Variants in UBE2S observed in about 807,000 individuals in gnomAD.
UBE2S encodes the protein ubiquitin-conjugating enzyme E2 S.
Under a neutral mutation model 12.3 loss-of-function variants are expected in UBE2S, and 3 were observed. The ratio of observed to expected loss-of-function variants is 0.24; its 90% CI spans 0.11 to 0.63. The LOEUF is 0.63. Ranked by LOEUF, UBE2S falls within the 30% of genes least tolerant of loss-of-function variation. The pLI, the probability that UBE2S is intolerant of heterozygous loss-of-function variation, is 0.85. For missense variants in UBE2S, 211 were observed against 313.9 expected (o/e 0.67, Z 2.48); for synonymous variants, 133 against 142.0 (o/e 0.94, Z 0.45).
intron 2 of UBE2S, among the ~76,000 whole-genome samples, chr19:55,405,755 A>T (rs2090093000): frequency 1.3e-5 from 2 of 152,080 alleles, no homozygotes; most frequent in Non-Finnish European, 2.9e-5. Flanking sequence ...CAGATCAAGG[A>T]TCCAACTGTC....
rs1006054249 is a variant in UBE2S at position 55,407,614 on chromosome 19, C to A, written c.-25G>T. 4 of 1,363,236 alleles carry A rather than the reference C, an allele frequency of 2.9e-6. No individual in the cohort carries two copies. The highest frequency in any genetic ancestry group is 3.8e-6 in the Non-Finnish European group (4 of 1,059,670). 84.4% of individuals were successfully genotyped at this position (1,363,236 alleles called of 1,614,324 possible). A position where few individuals can be genotyped will look rare whatever the true frequency, so the allele number is the denominator to read the frequency against. On this transcript the variant is annotated 5_prime_UTR_variant, in exon 1 of 4. Transcript: ENST00000264552. Reference sequence around the variant, plus strand: ...TGGCTGCGGCCGGCCGGGGGCGGGTCCCCCCGGCCCCCTTCCTGCGTTCTT... The same window carrying A: ...TGGCTGCGGCCGGCCGGGGGCGGGTACCCCCGGCCCCCTTCCTGCGTTCTT...
rs2090046830 is a variant in UBE2S, at chr19:55,400,194, A to G, written c.*1242T>C. 6.6e-6 allele frequency: 1 copy of G among 152,202 alleles called. No homozygotes were observed. Among genetic ancestry groups the G allele is most frequent in the African/African-American group, 2.4e-5 (1 of 41,550 alleles). The allele number at this position is 152,202 out of a possible 1,614,324, so 9.4% of individuals were successfully genotyped here. On this transcript the variant is annotated 3_prime_UTR_variant, in exon 4 of 4. Transcript: ENST00000264552. ...ACTTGTAGATTTTTATTGTAAATGT[A>G]TTTTACTTTTTGTAGAGATGGGATC...
chr19:55,407,618 C>T lies in UBE2S; in HGVS notation c.-29G>A, dbSNP rs2090105235. 2.9e-6 allele frequency: 4 copies of T among 1,377,074 alleles called. No individual in the cohort carries two copies. The South Asian group carries it at 6.6e-5, about 23-fold the overall frequency. The allele number at this position is 1,377,074 out of a possible 1,614,324, so 85.3% of individuals were successfully genotyped here. A position where few individuals can be genotyped will look rare whatever the true frequency, so the allele number is the denominator to read the frequency against. ...TGCGGCCGGCCGGGGGCGGGTCCCC[C>T]CGGCCCCCTTCCTGCGTTCTTCGGT... On this transcript the variant is annotated 5_prime_UTR_variant, in exon 1 of 4. Coordinates refer to ENST00000264552, the MANE Select transcript of UBE2S (RefSeq NM_014501.3).
chr19:55,407,568 C>A lies in UBE2S; in HGVS notation c.3+19G>T. On this transcript the variant is annotated intron_variant, in intron 1 of 3. Coordinates refer to ENST00000264552, the MANE Select transcript of UBE2S (RefSeq NM_014501.3). ...GGACACCCCCGACCACCTTCATGGG[C>A]CTCATCGCCCGTGCTCACCATGGCT... is the stretch of plus-strand genomic sequence containing the variant. 1.3e-6 allele frequency: 2 copies of A among 1,506,298 alleles called. No homozygotes were observed. The highest frequency in any genetic ancestry group is 1.8e-6 in the Non-Finnish European group (2 of 1,133,286). The allele number at this position is 1,506,298 out of a possible 1,614,324, so 93.3% of individuals were successfully genotyped here. A position where few individuals can be genotyped will look rare whatever the true frequency, so the allele number is the denominator to read the frequency against.
In UBE2S at chr19:55,407,771, G is replaced by A. The variant is rs1333819005; in HGVS notation, c.-182C>T. ...GCGTAGACCAACCCGCCGCCCCGGT[G>A]CCCGGCAGCACTGAGCCGGCCGCGC... On this transcript the variant is annotated 5_prime_UTR_variant, in exon 1 of 4. Transcript: ENST00000264552. The A allele has an allele frequency of 1.0e-5, 4 of 383,048 alleles. No homozygotes were observed. Among genetic ancestry groups the A allele is most frequent in the African/African-American group, 6.4e-5 (3 of 47,184 alleles). 23.7% of individuals were successfully genotyped at this position (383,048 alleles called of 1,614,324 possible).
At position 55,402,928 on chromosome 19, in the gene UBE2S, T is replaced by G. The variant is rs748675559; in HGVS notation, c.343-1166A>C. The G allele has an allele frequency of 9.0e-6, 6 of 665,280 alleles. No individual in the cohort carries two copies. The South Asian group carries it at 9.4e-5, about 10-fold the overall frequency. The allele number at this position is 665,280 out of a possible 1,614,324, so 41.2% of individuals were successfully genotyped here. Reference sequence around the variant, plus strand: ...GGGACTCATTAGAAATTTGGTTAACTTTTTTTTTTTTCAGCTTGCGGGAAG... The same window carrying G: ...GGGACTCATTAGAAATTTGGTTAACGTTTTTTTTTTTCAGCTTGCGGGAAG... On this transcript the variant is annotated intron_variant, in intron 3 of 3. Transcript: ENST00000264552.
chr19:55,404,226 T>C lies in UBE2S; in HGVS notation c.342+62A>G. ...GAAAAACTAAACAAAGCGCTATGGC[T>C]CAGACACCAGCAGACCTCCAGAGGC... is the stretch of plus-strand genomic sequence containing the variant. On this transcript the variant is annotated intron_variant, in intron 3 of 3. Coordinates refer to ENST00000264552, the MANE Select transcript of UBE2S (RefSeq NM_014501.3). The surrounding 1 kb of genome is among the most constrained non-coding windows in gnomAD (Gnocchi z 4.4). 1 of 1,599,442 alleles carries C rather than the reference T, an allele frequency of 6.3e-7. No individual in the cohort carries two copies. The highest frequency in any genetic ancestry group is 8.5e-7 in the Non-Finnish European group (1 of 1,171,152).
rs1196543723 is a variant in UBE2S, at chr19:55,404,135, C to T, written c.342+153G>A. On this transcript the variant is annotated intron_variant, in intron 3 of 3. Coordinates refer to ENST00000264552, the MANE Select transcript of UBE2S (RefSeq NM_014501.3). The surrounding 1 kb of genome is among the most constrained non-coding windows in gnomAD (Gnocchi z 4.4). Reference sequence around the variant, plus strand: ...GTGTCCTGGGTCTGGCACTGTTTGTCTTTCCAGGAAAGCTAGCAACATGGA... The same window carrying T: ...GTGTCCTGGGTCTGGCACTGTTTGTTTTTCCAGGAAAGCTAGCAACATGGA... 4.8e-6 allele frequency: 5 copies of T among 1,034,962 alleles called. No homozygotes were observed. In the African/African-American group the frequency reaches 4.8e-5, roughly 10 times the overall value. The allele number at this position is 1,034,962 out of a possible 1,614,324, so 64.1% of individuals were successfully genotyped here.
chr19:55,404,081 G>A lies in UBE2S; in HGVS notation c.342+207C>T. The stretch of plus-strand genomic sequence containing the variant: ...CTCACCACTCGTTGCATAGTAAGGT[G>A]CTCCTGGGCACTTCTCAACAGTACT... On this transcript the variant is annotated intron_variant, in intron 3 of 3. Coordinates refer to ENST00000264552, the MANE Select transcript of UBE2S (RefSeq NM_014501.3). The surrounding 1 kb of genome is among the most constrained non-coding windows in gnomAD (Gnocchi z 4.4). 8.4e-6 allele frequency: 5 copies of A among 597,736 alleles called. No individual in the cohort carries two copies. Among genetic ancestry groups the A allele is most frequent in the Non-Finnish European group, 1.5e-5 (5 of 341,102 alleles). The allele number at this position is 597,736 out of a possible 1,614,324, so 37.0% of individuals were successfully genotyped here. A position where few individuals can be genotyped will look rare whatever the true frequency, so the allele number is the denominator to read the frequency against.
Position 55,399,776 on chromosome 19 carries a change from C to G in UBE2S, c.*1660G>C, listed in dbSNP as rs13343706. 0.1 allele frequency: 15,421 copies of G among 152,150 alleles called. 1,229 individuals carry two copies. The highest frequency in any genetic ancestry group is 0.2 in the African/African-American group (8,377 of 41,468). 9.4% of individuals were successfully genotyped at this position (152,150 alleles called of 1,614,324 possible). A position where few individuals can be genotyped will look rare whatever the true frequency, so the allele number is the denominator to read the frequency against. On this transcript the variant is annotated 3_prime_UTR_variant, in exon 4 of 4. Transcript: ENST00000264552. ...CAAATATTATTTTTATTATGCACTT[C>G]GCTAAATTATTTCAGTGGGTTCCGA...
rs370435454 is a variant in UBE2S, at chr19:55,406,968, C to A, written c.4-6G>T. 19 of 1,612,830 alleles carry A rather than the reference C, an allele frequency of 1.2e-5. No homozygotes were observed. In the African/African-American group the frequency reaches 2.3e-4, roughly 19 times the overall value. Reference sequence around the variant, plus strand: ...AGGTTCTCCACGTTGGAGTTCTGGGCACGGATGGGAGAGCAGGGTGAGCGA... The same window carrying A: ...AGGTTCTCCACGTTGGAGTTCTGGGAACGGATGGGAGAGCAGGGTGAGCGA... On this transcript the variant is annotated splice_region_variant and splice_polypyrimidine_tract_variant and intron_variant, in intron 1 of 3. Coordinates refer to ENST00000264552, the MANE Select transcript of UBE2S (RefSeq NM_014501.3).
At position 55,404,817 on chromosome 19, in the gene UBE2S, G is replaced by C. The variant is rs965190240; in HGVS notation, c.152-339C>G. On this transcript the variant is annotated intron_variant, in intron 2 of 3. Coordinates refer to ENST00000264552, the MANE Select transcript of UBE2S (RefSeq NM_014501.3). This position sits in a 1 kb window ranked among gnomAD's most constrained non-coding sequence, Gnocchi z 4.4. The stretch of plus-strand genomic sequence containing the variant: ...AGGGTCTCACTATGTTGCCCAAGCT[G>C]GTCTTGCACTCCTAGGCTCAAGCAA... 5.9e-5 allele frequency among the ~76,000 whole-genome samples: 9 copies of C among 152,018 alleles called. No individual in the cohort carries two copies. Among genetic ancestry groups the C allele is most frequent in the African/African-American group, 2.2e-4 (9 of 41,412 alleles).
At chr19:55,403,077 G>A in intron 3 of UBE2S, 1 of 1,246,398 alleles carries the variant, frequency 8.0e-7, no homozygotes, top group Non-Finnish European at 1.1e-6. Context: ...TGCAGGATTT[G>A]GGCAGCACCC....
intron 3 of UBE2S, chr19:55,402,943 C>G: frequency 6.6e-7 from 1 of 1,515,030 alleles, no homozygotes; most frequent in Non-Finnish European, 8.8e-7. Context: ...TTTTTTTCAG[C>G]TTGCGGGAAG....
At chr19:55,403,982 CCA>C in intron 3 of UBE2S, 1 of 299,840 alleles carries the variant, frequency 3.3e-6, no homozygotes, top group South Asian at 3.0e-5. Context: ...CTCAAGTGAT[CCA>C]CCACACCTGG....
chr19:55,406,551 G>A (rs952437859), intron 2 of UBE2S, among the ~76,000 whole-genome samples: 2 of 152,192 alleles, frequency 1.3e-5, no homozygotes, highest in Admixed American at 1.3e-4. Flanking sequence ...CCCACCCTCA[G>A]GTCCAGGGAA....
At position 55,400,625 on chromosome 19, in the gene UBE2S, C is replaced by G. The variant is rs2090050275; in HGVS notation, c.*811G>C. The stretch of plus-strand genomic sequence containing the variant: ...CTAGTTCTACGAGGACTGAAATCAG[C>G]CAACAACCATGAGCATGGAAGAGGA... On this transcript the variant is annotated 3_prime_UTR_variant, in exon 4 of 4. Coordinates refer to ENST00000264552, the MANE Select transcript of UBE2S (RefSeq NM_014501.3). 1 of 152,228 alleles carries G rather than the reference C, an allele frequency of 6.6e-6. No individual in the cohort carries two copies. Among genetic ancestry groups the G allele is most frequent in the South Asian group, 2.1e-4 (1 of 4,830 alleles). The allele number at this position is 152,228 out of a possible 1,614,324, so 9.4% of individuals were successfully genotyped here.
intron 3 of UBE2S, chr19:55,402,923 T>C (rs774232682): frequency 6.6e-7 from 1 of 1,525,334 alleles, no homozygotes; most frequent in South Asian, 1.2e-5. Flanking sequence ...AGAAATTTGG[T>C]TAACTTTTTT....
rs765041484 is a variant in UBE2S at position 55,404,493 on chromosome 19, G to A, written c.152-15C>T. ...TGGGGTCCCCTCTGGAGTGGAGGGA[G>A]GGGTACAGGGTCAGGGCACTCAGGA... On this transcript the variant is annotated splice_polypyrimidine_tract_variant and intron_variant, in intron 2 of 3. Transcript: ENST00000264552. This position sits in a 1 kb window ranked among gnomAD's most constrained non-coding sequence, Gnocchi z 4.4. The A allele has an allele frequency of 4.4e-6, 7 of 1,592,060 alleles. No individual in the cohort carries two copies. The highest frequency in any genetic ancestry group is 4.5e-5 in the East Asian group (2 of 44,710).
Sources: gnomAD v4.1 joint callset for allele counts (sites outside exome capture counted in the v4.1 genomes callset) on GRCh38, gnomAD v4.1.1 for gene constraint, Gnocchi (gnomAD v3.1) non-coding constraint, MANE v1.5 for transcripts, NCBI Gene and HGNC (gene_info 2026-07-23, HGNC 2026-07-21) for gene names.